The following THSD4 variants were observed in gnomAD, a reference collection of about 807,000 sequenced individuals.
The protein encoded by THSD4 is thrombospondin type 1 domain containing 4, also known as thrombospondin type-1 domain-containing protein 4.
A neutral mutation model predicts 119.0 loss-of-function variants in THSD4; 69 were observed. The ratio of observed to expected loss-of-function variants is 0.58; its 90% CI spans 0.48 to 0.71. The LOEUF (loss-of-function observed/expected upper bound fraction) is 0.71. Ranked by LOEUF, THSD4 falls within the 30% of genes least tolerant of loss-of-function variation. The probability of loss-of-function intolerance (pLI) is 0.00; values close to 1 mark genes in which losing one functional copy is unlikely to be tolerated. For synonymous variants in THSD4, 524 were observed against 540.4 expected (o/e 0.97, Z 0.42); for missense variants, 1,393 against 1,391.1 (o/e 1.00, Z -0.02).
chr15:71,297,828 G>GT (rs932252423), intron 6 of THSD4, among the ~76,000 whole-genome samples: 18 of 152,192 alleles, frequency 1.2e-4, no homozygotes, highest in African/African-American at 2.4e-4. Flanking sequence ...AGTTTTGAGA[G>GT]TTTTTTTGTG....
chr15:71,311,993 G>A (rs1011141505), intron 6 of THSD4, among the ~76,000 whole-genome samples: 1 of 152,140 alleles, frequency 6.6e-6, no homozygotes, highest in East Asian at 1.9e-4. Flanking sequence ...CAGCACTGAA[G>A]GCAGTTATCT....
At chr15:71,699,210 C>CTT (rs34295616) in intron 8 of THSD4, among the ~76,000 whole-genome samples, 1,823 of 72,984 alleles carry the variant, frequency 0.025, 283 homozygotes, top group Non-Finnish European at 0.03. Context: ...ATAGCTACAG[C>CTT]TTTTTTTTTT....
chr15:71,384,396 A>C (rs892625443), intron 6 of THSD4, among the ~76,000 whole-genome samples: 3 of 152,120 alleles, frequency 2.0e-5, no homozygotes, highest in African/African-American at 7.2e-5. Flanking sequence ...AAAAAAACAA[A>C]AACATGAAAC....
chr15:71,698,442 A>G (rs1311382202), intron 8 of THSD4, among the ~76,000 whole-genome samples: 2 of 151,828 alleles, frequency 1.3e-5, no homozygotes, highest in Non-Finnish European at 2.9e-5. Context: ...AAGAATGAAA[A>G]ATAAAACTAC....
intron 3 of THSD4, chr15:71,167,039 CAA>C (rs900296087): frequency 6.6e-6 from 1 of 152,010 alleles, no homozygotes; most frequent in Non-Finnish European, 1.5e-5. Flanking sequence ...GCCATTCACT[CAA>C]GACAAGAAAG....
At chr15:71,703,726 G>A (rs1469532497) in intron 8 of THSD4, among the ~76,000 whole-genome samples, 1 of 152,144 alleles carries the variant, frequency 6.6e-6, no homozygotes, top group Non-Finnish European at 1.5e-5. Flanking sequence ...AATTCCTAGG[G>A]AGCCTCCTCA....
At chr15:71,682,889 T>C (rs1274190784) in intron 8 of THSD4, among the ~76,000 whole-genome samples, 3 of 38,708 alleles carry the variant, frequency 7.8e-5, no homozygotes, top group Admixed American at 2.5e-4. Context: ...TCTTTCTTTC[T>C]TTCTTTCTTT....
intron 15 of THSD4, 24 bp downstream of exon 15, chr15:71,758,099 T>A: frequency 6.5e-7 from 1 of 1,535,848 alleles, no homozygotes; most frequent in Non-Finnish European, 8.8e-7. Context: ...ACTGGGTATG[T>A]CTGCCTGTGT....
intron 7 of THSD4, among the ~76,000 whole-genome samples, chr15:71,647,889 TGGGAGG>T (rs1422730829): frequency 6.6e-6 from 1 of 152,114 alleles, no homozygotes; most frequent in African/African-American, 2.4e-5. Flanking sequence ...CCAGGCCTCG[TGGGAGG>T]GGAGGCCTCG....
chr15:71,709,148 G>A (rs1372414429), intron 8 of THSD4, among the ~76,000 whole-genome samples: 3 of 152,182 alleles, frequency 2.0e-5, no homozygotes, highest in African/African-American at 4.8e-5. Context: ...CCTGGAAAAC[G>A]GGATTGGAAT....
intron 14 of THSD4, 159 bp from the exon 15 acceptor site, chr15:71,757,743 C>A: frequency 1.2e-6 from 1 of 847,186 alleles, no homozygotes; most frequent in Non-Finnish European, 1.8e-6. Context: ...ATACTGATAT[C>A]TCATAATGGA....
intron 7 of THSD4, among the ~76,000 whole-genome samples, chr15:71,590,702 G>A (rs938617575): frequency 6.6e-6 from 1 of 152,122 alleles, no homozygotes; most frequent in Non-Finnish European, 1.5e-5. Context: ...CATGCACCCT[G>A]AACTTAAGAG....
intron 1 of THSD4, among the ~76,000 whole-genome samples, chr15:71,100,749 G>T (rs917418208): frequency 4.4e-4 from 67 of 152,268 alleles, no homozygotes; most frequent in African/African-American, 1.6e-3. Flanking sequence ...GGAGGCTAAG[G>T]TAGATGGATC....
At chr15:71,271,871 C>A (rs1160458357) in intron 6 of THSD4, among the ~76,000 whole-genome samples, 1 of 152,148 alleles carries the variant, frequency 6.6e-6, no homozygotes, top group Non-Finnish European at 1.5e-5. Context: ...TACAAGACAT[C>A]AGTCTAGGGG....
intron 6 of THSD4, among the ~76,000 whole-genome samples, chr15:71,378,358 G>T (rs1324669147): frequency 6.6e-6 from 1 of 152,198 alleles, no homozygotes; most frequent in African/African-American, 2.4e-5. Context: ...TGAATGAGGG[G>T]TGGAGGCTTT....
chr15:71,393,326 G>A (rs2046401984), intron 6 of THSD4, among the ~76,000 whole-genome samples: 1 of 152,080 alleles, frequency 6.6e-6, no homozygotes, highest in African/African-American at 2.4e-5. Flanking sequence ...TGAATGGGAT[G>A]AATGAATGAG....
intron 3 of THSD4, among the ~76,000 whole-genome samples, chr15:71,160,241 A>G (rs1183100780): frequency 6.6e-6 from 1 of 151,418 alleles, no homozygotes; most frequent in Non-Finnish European, 1.5e-5. Flanking sequence ...GAATTTTTGC[A>G]TCTATGTTCA....
chr15:71,547,772 G>T, intron 7 of THSD4: 6 of 224,162 alleles, frequency 2.7e-5, no homozygotes, highest in Non-Finnish European at 3.4e-5. Context: ...TTCTCCTGCT[G>T]TAGCAGAAAA....
In THSD4 at chr15:71,103,030, C is replaced by T. The variant is rs376498949; in HGVS notation, c.-80+6024C>T. On this transcript the variant is annotated intron_variant, in intron 1 of 17. Transcript: ENST00000355327. The stretch of plus-strand genomic sequence containing the variant: ...CAGGGTTAGTGTCTGTTGATTGTCT[C>T]GTTCCTTGTCAGTTGAGACTTTCAT... Among the ~76,000 whole-genome samples, 20 of 152,248 alleles carry T rather than the reference C, an allele frequency of 1.3e-4. No individual in the cohort carries two copies. The East Asian group carries it at 1.5e-3, about 12-fold the overall frequency.
Sources: gnomAD v4.1 joint callset for allele counts (sites outside exome capture counted in the v4.1 genomes callset) on GRCh38, gnomAD v4.1.1 for gene constraint, MANE v1.5 for transcripts, NCBI Gene and HGNC (gene_info 2026-07-23, HGNC 2026-07-21) for gene names.